Variants in PCDH15 observed in about 807,000 individuals in gnomAD.
PCDH15 encodes the protein protocadherin related 15.
A neutral mutation model predicts 178.5 loss-of-function variants in PCDH15; 129 were observed. The ratio of observed to expected loss-of-function variants is 0.72; its 90% confidence interval spans 0.63 to 0.84. The LOEUF is 0.84. Among genes scored for constraint, PCDH15 ranks in the 40% least tolerant of loss-of-function variants. The probability of loss-of-function intolerance (pLI) is 0.00; values close to 1 mark genes in which losing one functional copy is unlikely to be tolerated. For missense variants in PCDH15, 2,230 were observed against 2,099.9 expected (o/e 1.06, Z -1.21); for synonymous variants, 800 against 732.0 (o/e 1.09, Z -1.50).
At chr10:53,966,211 G>A (rs1320246906) in intron 21 of PCDH15, among the ~76,000 whole-genome samples, 1 of 152,126 alleles carries the variant, frequency 6.6e-6, no homozygotes, top group Non-Finnish European at 1.5e-5. Flanking sequence ...CATCATGAAA[G>A]TGTGGCCCTG....
chr10:53,971,439 G>A (rs1045968810), intron 21 of PCDH15, among the ~76,000 whole-genome samples: 7 of 152,136 alleles, frequency 4.6e-5, no homozygotes, highest in Admixed American at 6.5e-5. Flanking sequence ...TCTGGCTAGG[G>A]CAATCAGGCA....
At chr10:55,175,026 G>A (rs1013573581) in intron 1 of PCDH15, among the ~76,000 whole-genome samples, 1 of 149,522 alleles carries the variant, frequency 6.7e-6, no homozygotes, top group African/African-American at 2.4e-5. Flanking sequence ...ACAAACAGCA[G>A]AGAAGTTTGG....
intron 1 of PCDH15, among the ~76,000 whole-genome samples, chr10:55,238,372 G>A (rs996737855): frequency 1.3e-5 from 2 of 151,740 alleles, no homozygotes; most frequent in African/African-American, 4.8e-5. Context: ...GGATGGTCTC[G>A]ATCTCCTGAC....
chr10:55,132,649 A>G (rs1444642027), intron 2 of PCDH15, among the ~76,000 whole-genome samples: 1 of 152,212 alleles, frequency 6.6e-6, no homozygotes, highest in Non-Finnish European at 1.5e-5. Context: ...AAAAGCAGAA[A>G]CATGGAAATA....
chr10:55,328,512 A>G (rs1844096542), intron 2 of PCDH15, among the ~76,000 whole-genome samples: 1 of 151,750 alleles, frequency 6.6e-6, no homozygotes, highest in Non-Finnish European at 1.5e-5. Context: ...AAAATACGGT[A>G]TTATAATCTT....
At chr10:54,095,935 T>C (rs1483569148) in intron 15 of PCDH15, among the ~76,000 whole-genome samples, 1 of 152,130 alleles carries the variant, frequency 6.6e-6, no homozygotes, top group Admixed American at 6.6e-5. Context: ...AACTTAGAAC[T>C]AATGTAAATA....
intron 2 of PCDH15, among the ~76,000 whole-genome samples, chr10:55,152,773 G>T (rs937750966): frequency 9.2e-5 from 14 of 152,106 alleles, no homozygotes; most frequent in Non-Finnish European, 1.5e-4. Flanking sequence ...TAAGACTGCA[G>T]TTAGCAATTG....
At chr10:54,012,281 A>G (rs2092611723) in intron 20 of PCDH15, among the ~76,000 whole-genome samples, 1 of 151,688 alleles carries the variant, frequency 6.6e-6, no homozygotes, top group African/African-American at 2.4e-5. Context: ...CCCCTGAAAC[A>G]TATGGGATTA....
At chr10:54,288,204 C>A (rs184334366) in intron 8 of PCDH15, among the ~76,000 whole-genome samples, 145 of 152,212 alleles carry the variant, frequency 9.5e-4, no homozygotes, top group African/African-American at 3.4e-3. Context: ...TCTGTAGTCT[C>A]AGCTACTTGG....
At chr10:54,595,649 A>G (rs2092191082) in intron 2 of PCDH15, among the ~76,000 whole-genome samples, 1 of 152,172 alleles carries the variant, frequency 6.6e-6, no homozygotes, top group Non-Finnish European at 1.5e-5. Flanking sequence ...AGGAATAAAA[A>G]TCATTGAGTT....
intron 18 of PCDH15, among the ~76,000 whole-genome samples, chr10:54,062,853 G>T (rs1214186665): frequency 6.6e-6 from 1 of 152,092 alleles, no homozygotes; most frequent in African/African-American, 2.4e-5. Context: ...TGTGTTTTTA[G>T]TTATATATTC....
intron 2 of PCDH15, among the ~76,000 whole-genome samples, chr10:55,126,346 C>A (rs188896099): frequency 2.0e-5 from 3 of 152,208 alleles, no homozygotes; most frequent in African/African-American, 7.2e-5. Flanking sequence ...AAATCTGATT[C>A]TTCATAACTA....
chr10:54,510,689 T>G (rs866847867), intron 3 of PCDH15, among the ~76,000 whole-genome samples: 1 of 152,088 alleles, frequency 6.6e-6, no homozygotes, highest in Middle Eastern at 3.2e-3. Context: ...ATGAAATAGG[T>G]AGTACAAGAA....
chr10:55,408,759 G>A (rs1334534), intron 2 of PCDH15, among the ~76,000 whole-genome samples: 5 of 151,456 alleles, frequency 3.3e-5, no homozygotes, highest in African/African-American at 7.3e-5. Flanking sequence ...AAGTAGTTTC[G>A]TCTAGTCTCA....
intron 3 of PCDH15, among the ~76,000 whole-genome samples, chr10:54,457,190 A>G (rs1224985711): frequency 6.6e-6 from 1 of 152,196 alleles, no homozygotes; most frequent in African/African-American, 2.4e-5. Context: ...TGTATATGGT[A>G]CAAAAGTATC....
At chr10:54,526,463 ATAGT>A (rs546057078) in intron 3 of PCDH15, among the ~76,000 whole-genome samples, 41 of 152,300 alleles carry the variant, frequency 2.7e-4, no homozygotes, top group South Asian at 6.2e-4. Context: ...TTCTTTAAAA[ATAGT>A]TAGCCATAAG....
At chr10:55,158,702 A>AG (rs1838968567) in intron 2 of PCDH15, among the ~76,000 whole-genome samples, 1 of 151,750 alleles carries the variant, frequency 6.6e-6, no homozygotes, top group African/African-American at 2.4e-5. Context: ...GTAAAAAAAA[A>AG]AAAGAAAGAA....
At chr10:54,640,648 T>G (rs117014988) in intron 2 of PCDH15, among the ~76,000 whole-genome samples, 1,823 of 152,254 alleles carry the variant, frequency 0.012, 18 homozygotes, top group Non-Finnish European at 0.019. Context: ...ATGTTTCCTT[T>G]TTTCCTTCCT....
At chr10:55,623,163 C>A (rs2132173679) in intron 2 of PCDH15, among the ~76,000 whole-genome samples, 2 of 152,190 alleles carry the variant, frequency 1.3e-5, no homozygotes, top group African/African-American at 4.8e-5. Context: ...ATGTGAGTTT[C>A]TACACAAGTT....
Sources: allele counts gnomAD v4.1 joint callset (sites outside exome capture counted in the v4.1 genomes callset), GRCh38; gene constraint gnomAD v4.1.1; transcripts MANE v1.5; gene names NCBI Gene and HGNC (gene_info 2026-07-23, HGNC 2026-07-21).